ZBTB20: variants seen among roughly 807,000 people sequenced by gnomAD.
ZBTB20 encodes zinc finger and BTB domain containing 20.
ZBTB20 carries 9 observed loss-of-function variants against 56.9 expected under a neutral mutation model. That is an observed-to-expected ratio of 0.16 (90% CI 0.10 to 0.28). The LOEUF is 0.28. Ranked by LOEUF, ZBTB20 falls within the 10% of genes least tolerant of loss-of-function variation. ZBTB20 has a pLI of 1.00. For synonymous variants in ZBTB20, 417 were observed against 420.7 expected (o/e 0.99, Z 0.11); for missense variants, 655 against 1,003.0 (o/e 0.65, Z 4.69).
intron 8 of ZBTB20, chr3:114,388,141 A>G (rs1227476230): frequency 1.3e-5 from 2 of 152,216 alleles, no homozygotes; most frequent in East Asian, 1.9e-4. Context: ...ACACCATCCC[A>G]TTACCTGCCT....
At chr3:115,048,459 G>C (rs1294140012) in intron 2 of ZBTB20, among the ~76,000 whole-genome samples, 1 of 151,954 alleles carries the variant, frequency 6.6e-6, no homozygotes, top group African/African-American at 2.4e-5. Context: ...TCAAAGTCAG[G>C]GCCTTGGGTT....
At chr3:114,715,523 C>A (rs535700695) in intron 5 of ZBTB20, among the ~76,000 whole-genome samples, 5 of 152,178 alleles carry the variant, frequency 3.3e-5, no homozygotes, top group Non-Finnish European at 7.4e-5. Flanking sequence ...ACATTTGCTA[C>A]AATAACACTG....
chr3:114,418,913 G>A (rs2088855007), intron 7 of ZBTB20: 1 of 152,056 alleles, frequency 6.6e-6, no homozygotes, highest in Non-Finnish European at 1.5e-5. Flanking sequence ...AGACCTACCT[G>A]ATTAACCAGA....
chr3:114,344,515 C>A (rs781460333), intron 11 of ZBTB20, among the ~76,000 whole-genome samples: 3 of 152,178 alleles, frequency 2.0e-5, no homozygotes, highest in Non-Finnish European at 2.9e-5. Flanking sequence ...GATAGTTTTA[C>A]AGCATTCATA....
chr3:114,982,961 A>G (rs1203806872), intron 2 of ZBTB20, among the ~76,000 whole-genome samples: 1 of 151,992 alleles, frequency 6.6e-6, no homozygotes, highest in African/African-American at 2.4e-5. Context: ...ATCTATCTCT[A>G]TATCATCCTA....
intron 6 of ZBTB20, among the ~76,000 whole-genome samples, chr3:114,641,028 AT>A (rs1467984146): frequency 1.3e-5 from 2 of 152,080 alleles, no homozygotes; most frequent in Admixed American, 1.3e-4. Context: ...AATTTAAATA[AT>A]TTCTGTGAAC....
chr3:114,584,887 T>C (rs149955385), intron 6 of ZBTB20, among the ~76,000 whole-genome samples: 4 of 152,188 alleles, frequency 2.6e-5, no homozygotes, highest in Non-Finnish European at 4.4e-5. Flanking sequence ...CTGAAGCGTC[T>C]AGAAAGAATA....
At chr3:114,707,656 G>T (rs141170023) in intron 5 of ZBTB20, among the ~76,000 whole-genome samples, 258 of 152,280 alleles carry the variant, frequency 1.7e-3, no homozygotes, top group African/African-American at 6.0e-3. Context: ...GAAGAAGCGG[G>T]AACTAGTAGA....
chr3:114,586,243 G>C (rs896696868), intron 6 of ZBTB20, among the ~76,000 whole-genome samples: 2 of 152,184 alleles, frequency 1.3e-5, no homozygotes, highest in Admixed American at 1.3e-4. Flanking sequence ...TGTTTAGCTG[G>C]ACTCTGAATC....
intron 3 of ZBTB20, among the ~76,000 whole-genome samples, chr3:114,915,752 T>G (rs1421859526): frequency 6.6e-6 from 1 of 151,924 alleles, no homozygotes; most frequent in East Asian, 1.9e-4. Flanking sequence ...TTTTGATATG[T>G]TCTGTTTCCA....
chr3:114,970,897 C>G (rs1051173449), intron 3 of ZBTB20, among the ~76,000 whole-genome samples: 29 of 152,228 alleles, frequency 1.9e-4, no homozygotes, highest in Non-Finnish European at 1.8e-4. Context: ...CGCCTGTAGT[C>G]CCAGCTACTT....
At chr3:114,353,211 A>C (rs1330751230) in intron 10 of ZBTB20, among the ~76,000 whole-genome samples, 1 of 152,210 alleles carries the variant, frequency 6.6e-6, no homozygotes, top group African/African-American at 2.4e-5. Flanking sequence ...AAATGGCCCA[A>C]GCACTGATTG....
intron 6 of ZBTB20, among the ~76,000 whole-genome samples, chr3:114,575,124 A>C (rs2053869208): frequency 6.6e-6 from 1 of 152,220 alleles, no homozygotes; most frequent in African/African-American, 2.4e-5. Flanking sequence ...TAGGACTAGA[A>C]ACTAAGTTGC....
intron 7 of ZBTB20, among the ~76,000 whole-genome samples, chr3:114,458,837 CA>C (rs995733871): frequency 6.6e-5 from 10 of 151,926 alleles, no homozygotes; most frequent in African/African-American, 2.2e-4. Context: ...CAGTCATAAA[CA>C]GACACAACTC....
chr3:114,846,079 A>G (rs1273197908), intron 4 of ZBTB20, among the ~76,000 whole-genome samples: 1 of 152,142 alleles, frequency 6.6e-6, no homozygotes, highest in East Asian at 1.9e-4. Flanking sequence ...CACACAAGAG[A>G]TATGTATGTT....
chr3:114,787,699 G>A (rs964644105), intron 5 of ZBTB20, among the ~76,000 whole-genome samples: 5 of 151,832 alleles, frequency 3.3e-5, no homozygotes, highest in African/African-American at 1.2e-4. Context: ...ATACCAAGAA[G>A]TTTATTAATG....
intron 2 of ZBTB20, among the ~76,000 whole-genome samples, chr3:115,039,354 TTTGAAA>T (rs1308748690): frequency 6.6e-6 from 1 of 152,076 alleles, no homozygotes; most frequent in Non-Finnish European, 1.5e-5. Flanking sequence ...GTTTCAAATG[TTTGAAA>T]ACTTCAAATG....
At chr3:114,793,539 A>T (rs1400292012) in intron 5 of ZBTB20, among the ~76,000 whole-genome samples, 1 of 152,136 alleles carries the variant, frequency 6.6e-6, no homozygotes, top group Non-Finnish European at 1.5e-5. Flanking sequence ...AAATGTATAG[A>T]GGACATTACA....
intron 6 of ZBTB20, among the ~76,000 whole-genome samples, chr3:114,516,340 C>T (rs2045990776): frequency 6.6e-6 from 1 of 152,238 alleles, no homozygotes. Flanking sequence ...CATTCATGCC[C>T]CTTGTACTTT....
Sources: gnomAD v4.1 joint callset for allele counts (sites outside exome capture counted in the v4.1 genomes callset) on GRCh38, gnomAD v4.1.1 for gene constraint, MANE v1.5 for transcripts, NCBI Gene and HGNC (gene_info 2026-07-23, HGNC 2026-07-21) for gene names.